The following FIBCD1 variants were observed in gnomAD, a reference collection of about 807,000 sequenced individuals.
FIBCD1 encodes the protein fibrinogen C domain-containing protein 1.
A neutral mutation model predicts 45.1 loss-of-function variants in FIBCD1; 47 were observed. The observed-to-expected ratio is 1.04, with a 90% confidence interval of 0.82 to 1.33. FIBCD1 has a LOEUF of 1.33. Ranked by LOEUF, FIBCD1 falls within the 40% of genes most tolerant of loss-of-function variation. The pLI, the probability that FIBCD1 is intolerant of heterozygous loss-of-function variation, is 0.00. For synonymous variants in FIBCD1, 313 were observed against 308.1 expected (o/e 1.02, Z -0.17); for missense variants, 653 against 682.2 (o/e 0.96, Z 0.48).
intron 4 of FIBCD1, among the ~76,000 whole-genome samples, chr9:130,918,908 C>T (rs560587442): frequency 2.2e-4 from 34 of 152,340 alleles, no homozygotes; most frequent in Middle Eastern, 3.4e-3. Context: ...CAAGTCAATG[C>T]GTAAACGGAC....
At position 130,910,481 on chromosome 9, in the gene FIBCD1, C is replaced by T. The variant is rs145525034; in HGVS notation, c.946+1311G>A. Among the ~76,000 whole-genome samples the T allele has an allele frequency of 4.7e-3, 713 of 152,342 alleles. 5 individuals carry two copies. Among genetic ancestry groups the T allele is most frequent in the Non-Finnish European group, 6.4e-3 (438 of 68,036 alleles). ...CCTGCTCCACAGCGCCCGGTCCCATCGAGCACCCAAGGGCTGAGGAGTGCA... is the reference window on the plus strand; with the variant it reads ...CCTGCTCCACAGCGCCCGGTCCCATTGAGCACCCAAGGGCTGAGGAGTGCA... On this transcript the variant is annotated intron_variant, in intron 5 of 6. Transcript: ENST00000372338.
chr9:130,938,470 C>T, intron 1 of FIBCD1, 66 bp downstream of exon 1: 3 of 1,363,386 alleles, frequency 2.2e-6, no homozygotes, highest in Non-Finnish European at 9.6e-7. Context: ...GGTGCTCGCC[C>T]CGCCGGCCCG....
At chr9:130,904,813 G>A (rs1831897897) in intron 6 of FIBCD1, among the ~76,000 whole-genome samples, 1 of 152,218 alleles carries the variant, frequency 6.6e-6, no homozygotes, top group African/African-American at 2.4e-5. Flanking sequence ...GCAGGACTTG[G>A]AGGAGGAGGC....
At chr9:130,919,544 T>G (rs1172376497) in intron 4 of FIBCD1, among the ~76,000 whole-genome samples, 1 of 152,220 alleles carries the variant, frequency 6.6e-6, no homozygotes, top group Non-Finnish European at 1.5e-5. Flanking sequence ...CATCCCTCCC[T>G]GAGCCTGAGC....
At chr9:130,904,562 C>G (rs1386019903) in intron 6 of FIBCD1, among the ~76,000 whole-genome samples, 2 of 151,826 alleles carry the variant, frequency 1.3e-5, no homozygotes, top group Admixed American at 1.3e-4. Context: ...TGGGGCTGCC[C>G]CTGGGTCTAG....
intron 1 of FIBCD1, among the ~76,000 whole-genome samples, chr9:130,931,281 G>T (rs1832445041): frequency 1.3e-5 from 2 of 152,176 alleles, no homozygotes; most frequent in Non-Finnish European, 2.9e-5. Flanking sequence ...AGGCCGAGGC[G>T]GGCAGATCAC....
intron 4 of FIBCD1, 96 bp downstream of exon 4, chr9:130,923,648 G>C (rs1832300244): frequency 1.3e-6 from 2 of 1,511,610 alleles, no homozygotes; most frequent in Admixed American, 3.9e-5. Context: ...ATGGTGGAGG[G>C]CTGGGTAGGA....
intron 5 of FIBCD1, among the ~76,000 whole-genome samples, chr9:130,907,829 G>A (rs1468708026): frequency 6.6e-6 from 1 of 151,092 alleles, no homozygotes; most frequent in Non-Finnish European, 1.5e-5. Flanking sequence ...AACCCGGGAG[G>A]TGGAGGTTGC....
At position 130,908,853 on chromosome 9, in the gene FIBCD1, G is replaced by A. The variant is rs566530764; in HGVS notation, c.946+2939C>T. On this transcript the variant is annotated intron_variant, in intron 5 of 6. Coordinates refer to ENST00000372338, the MANE Select transcript of FIBCD1 (RefSeq NM_032843.5). The stretch of plus-strand genomic sequence containing the variant: ...AGAGGGCCCTGCTCTCATGGGCCCC[G>A]GTGAGGAGGGGGCATGGGTGGCAGA... 6.1e-4 allele frequency among the ~76,000 whole-genome samples: 93 copies of A among 152,242 alleles called. 1 individual carries two copies. The highest frequency in any genetic ancestry group is 5.1e-4 in the Non-Finnish European group (35 of 67,988).
At chr9:130,916,524 CAGGT>C (rs1255500683) in intron 4 of FIBCD1, among the ~76,000 whole-genome samples, 1 of 152,260 alleles carries the variant, frequency 6.6e-6, no homozygotes, top group Non-Finnish European at 1.5e-5. Context: ...CCCAGATCGT[CAGGT>C]GGGTCCTCCC....
Position 130,911,897 on chromosome 9 carries a change from G to A in FIBCD1, c.850-9C>T. The A allele has an allele frequency of 6.4e-7, 1 of 1,564,510 alleles. No homozygotes were observed. The highest frequency in any genetic ancestry group is 8.7e-7 in the Non-Finnish European group (1 of 1,155,832). Reference sequence around the variant, plus strand: ...TCCCGGCGCTGAAACACCTGCAAAGGGAAGATGGGGATGGGGCGTTGGCAC... The same window carrying A: ...TCCCGGCGCTGAAACACCTGCAAAGAGAAGATGGGGATGGGGCGTTGGCAC... On this transcript the variant is annotated splice_polypyrimidine_tract_variant and intron_variant, in intron 4 of 6. Transcript: ENST00000372338.
At chr9:130,917,493 A>G (rs1832186673) in intron 4 of FIBCD1, among the ~76,000 whole-genome samples, 1 of 152,174 alleles carries the variant, frequency 6.6e-6, no homozygotes, top group Admixed American at 6.5e-5. Flanking sequence ...GAAGGAAGAC[A>G]GCAGCAGCCA....
chr9:130,924,463 A>C, intron 2 of FIBCD1, 67 bp from the exon 3 acceptor site: 1 of 1,460,672 alleles, frequency 6.8e-7, no homozygotes, highest in Non-Finnish European at 9.3e-7. Flanking sequence ...CGCACATAGC[A>C]GGTCACTGGC....
rs374186246 is a variant in FIBCD1 at position 130,924,400 on chromosome 9, C to A, written c.553-4G>T. On this transcript the variant is annotated splice_region_variant and splice_polypyrimidine_tract_variant and intron_variant, in intron 2 of 6. Coordinates refer to ENST00000372338, the MANE Select transcript of FIBCD1 (RefSeq NM_032843.5). ...GGCCCTGGCTCTCAGAGAGAAGCTG[C>A]GGAGCACAGGGGGTGAGCCGAGGGG... is the stretch of plus-strand genomic sequence containing the variant. 2.6e-5 allele frequency: 42 copies of A among 1,604,604 alleles called. No individual in the cohort carries two copies. In the African/African-American group the frequency reaches 5.1e-4, roughly 19 times the overall value.
Position 130,908,245 on chromosome 9 carries a change from G to A in FIBCD1, c.947-2832C>T, listed in dbSNP as rs116401748. On this transcript the variant is annotated intron_variant, in intron 5 of 6. Coordinates refer to ENST00000372338, the MANE Select transcript of FIBCD1 (RefSeq NM_032843.5). Reference sequence around the variant, plus strand: ...TGAGAGGGGATGGGGAGGGTGGTGCGGCAGAGGAGGGACTGGCGCTGTTGA... The same window carrying A: ...TGAGAGGGGATGGGGAGGGTGGTGCAGCAGAGGAGGGACTGGCGCTGTTGA... 2.0e-3 allele frequency among the ~76,000 whole-genome samples: 302 copies of A among 152,316 alleles called. 3 individuals are homozygous for A. Among genetic ancestry groups the A allele is most frequent in the African/African-American group, 6.9e-3 (288 of 41,562 alleles).
At position 130,903,947 on chromosome 9, in the gene FIBCD1, CCTACTGGAG is replaced by C. The variant is rs1243248710; in HGVS notation, c.*108_*116del. 7.2e-7 allele frequency: 1 copy of C among 1,393,060 alleles called. No homozygotes were observed. Among genetic ancestry groups the C allele is most frequent in the Non-Finnish European group, 1.0e-6 (1 of 1,004,042 alleles). 86.3% of individuals were successfully genotyped at this position (1,393,060 alleles called of 1,614,324 possible). A position where few individuals can be genotyped will look rare whatever the true frequency, so the allele number is the denominator to read the frequency against. On this transcript the variant is annotated 3_prime_UTR_variant, in exon 7 of 7. Transcript: ENST00000372338. Reference sequence around the variant, plus strand: ...CGTGTCAGGGATGGCCCGGCCCCTCCCTACTGGAGAGTGGGTCCGCCAGGCACAGGTGGG... The same window carrying C: ...CGTGTCAGGGATGGCCCGGCCCCTCCAGTGGGTCCGCCAGGCACAGGTGGG...
intron 5 of FIBCD1, among the ~76,000 whole-genome samples, chr9:130,906,787 G>A (rs979989375): frequency 6.6e-5 from 10 of 152,236 alleles, no homozygotes; most frequent in South Asian, 2.1e-4. Flanking sequence ...TCAGCCCTTC[G>A]TGCAGATGAG....
intron 5 of FIBCD1, among the ~76,000 whole-genome samples, chr9:130,907,126 C>G (rs1276365527): frequency 6.6e-6 from 1 of 152,166 alleles, no homozygotes; most frequent in Non-Finnish European, 1.5e-5. Flanking sequence ...ACCGGCCCCC[C>G]GGGGATGCTG....
chr9:130,937,068 A>G (rs1832529826), intron 1 of FIBCD1, among the ~76,000 whole-genome samples: 1 of 152,098 alleles, frequency 6.6e-6, no homozygotes, highest in Admixed American at 6.5e-5. Flanking sequence ...TGTGGGGCCC[A>G]GGGTTGGCAA....
Sources: allele counts gnomAD v4.1 joint callset (sites outside exome capture counted in the v4.1 genomes callset), GRCh38; gene constraint gnomAD v4.1.1; transcripts MANE v1.5; gene names NCBI Gene and HGNC (gene_info 2026-07-23, HGNC 2026-07-21).